Variants in POU2F1 observed in about 807,000 individuals in gnomAD.
POU2F1 encodes POU class 2 homeobox 1, also known as POU domain, class 2, transcription factor 1.
POU2F1 carries 16 observed loss-of-function variants against 84.9 expected under a neutral mutation model. The ratio of observed to expected loss-of-function variants is 0.19; its 90% CI spans 0.13 to 0.29. The LOEUF (loss-of-function observed/expected upper bound fraction) is 0.29. Ranked by LOEUF, POU2F1 falls within the 10% of genes least tolerant of loss-of-function variation. The pLI is 1.00. For synonymous variants in POU2F1, 368 were observed against 368.3 expected (o/e 1.00, Z 0.01); for missense variants, 738 against 942.6 (o/e 0.78, Z 2.84).
At chr1:167,338,946 G>A (rs182972348) in intron 2 of POU2F1, among the ~76,000 whole-genome samples, 5 of 152,262 alleles carry the variant, frequency 3.3e-5, no homozygotes, top group African/African-American at 1.2e-4. Flanking sequence ...TAGAATTGCT[G>A]GGTAAAACAG....
chr1:167,264,920 G>A lies in POU2F1; in HGVS notation c.61+43962G>A, dbSNP rs6660327. 2.2e-3 allele frequency among the ~76,000 whole-genome samples: 339 copies of A among 152,134 alleles called. 2 individuals carry two copies. The highest frequency in any genetic ancestry group is 7.8e-3 in the African/African-American group (325 of 41,464). On this transcript the variant is annotated intron_variant, in intron 1 of 15. Transcript: ENST00000367866. ...CCACCTCAGGGCCTTTACACTTGCT[G>A]TCTCGTTTGCCTAGGATGCTTTTCT...
chr1:167,368,797 T>G (rs1162706481), intron 3 of POU2F1, among the ~76,000 whole-genome samples: 1 of 152,206 alleles, frequency 6.6e-6, no homozygotes, highest in African/African-American at 2.4e-5. Context: ...TCAATTCATT[T>G]TAGCTCTTAA....
At chr1:167,283,494 T>G (rs1653309706) in intron 1 of POU2F1, among the ~76,000 whole-genome samples, 1 of 152,150 alleles carries the variant, frequency 6.6e-6, no homozygotes, top group Non-Finnish European at 1.5e-5. Flanking sequence ...GATGGTTGGG[T>G]AGATAGATAA....
Position 167,374,176 on chromosome 1 carries a change from T to A in POU2F1, c.471T>A (p.Ala157=). ...QQAQAQAQLL[A]AAVQQHSASQ... is the part of the protein sequence containing the mutation. ...CACAGGCACAGGCACAGCTGCTGGC[T>A]GCTGCAGTGCAGCAGCACTCCGCCA... Residue 157 remains alanine (A), a synonymous_variant, in exon 6 of 16, where the codon GCT becomes GCA. Coordinates refer to ENST00000367866, the MANE Select transcript of POU2F1 (RefSeq NM_002697.4). 6.2e-7 allele frequency: 1 copy of A among 1,613,938 alleles called. No homozygotes were observed. Among genetic ancestry groups the A allele is most frequent in the Non-Finnish European group, 8.5e-7 (1 of 1,179,914 alleles).
chr1:167,360,828 A>T (rs1457281286), intron 2 of POU2F1, among the ~76,000 whole-genome samples: 1 of 152,122 alleles, frequency 6.6e-6, no homozygotes. Flanking sequence ...ACCCTCGCTC[A>T]TGGAATTATT....
chr1:167,329,563 G>T (rs1656942483), intron 1 of POU2F1, among the ~76,000 whole-genome samples: 1 of 152,140 alleles, frequency 6.6e-6, no homozygotes, highest in Non-Finnish European at 1.5e-5. Flanking sequence ...CAGCTCGAAT[G>T]AATATTTTTG....
chr1:167,273,212 C>T (rs993190289), intron 1 of POU2F1, among the ~76,000 whole-genome samples: 2 of 152,214 alleles, frequency 1.3e-5, no homozygotes, highest in Non-Finnish European at 1.5e-5. Flanking sequence ...CCCTGTGGCT[C>T]TACAGGGTAC....
chr1:167,395,556 A>G (rs1571436094), intron 9 of POU2F1, among the ~76,000 whole-genome samples: 2 of 152,302 alleles, frequency 1.3e-5, no homozygotes, highest in East Asian at 3.9e-4. Flanking sequence ...AGAGTTATAC[A>G]TAATATCTGT....
intron 1 of POU2F1, chr1:167,241,568 A>G (rs1016919081): frequency 6.6e-6 from 1 of 152,198 alleles, no homozygotes; most frequent in Non-Finnish European, 1.5e-5. Context: ...CTTCACTTGT[A>G]TTAGCTTAAG....
At chr1:167,225,596 A>G (rs1648571170) in intron 1 of POU2F1, among the ~76,000 whole-genome samples, 1 of 152,246 alleles carries the variant, frequency 6.6e-6, no homozygotes, top group Non-Finnish European at 1.5e-5. Context: ...AGACCCTTGA[A>G]TATCTTAGGC....
At chr1:167,389,833 T>G in intron 9 of POU2F1, 72 bp downstream of exon 9, 1 of 1,505,816 alleles carries the variant, frequency 6.6e-7, no homozygotes, top group Admixed American at 1.9e-5. Flanking sequence ...TCTGTATTCA[T>G]GGATTCCACA....
rs777732073 is a variant in POU2F1, at chr1:167,422,904, G to A, written c.*7094G>A. The A allele has an allele frequency of 6.6e-6, 1 of 152,120 alleles. No homozygotes were observed. Among genetic ancestry groups the A allele is most frequent in the Admixed American group, 6.5e-5 (1 of 15,272 alleles). The allele number at this position is 152,120 out of a possible 1,614,324, so 9.4% of individuals were successfully genotyped here. ...CCTGCTTTTTGAAGGAAGTCTTCTT[G>A]GTTATCCTGGCTTTGGAAAAGAGAT... is the stretch of plus-strand genomic sequence containing the variant. On this transcript the variant is annotated 3_prime_UTR_variant, in exon 16 of 16. Coordinates refer to ENST00000367866, the MANE Select transcript of POU2F1 (RefSeq NM_002697.4).
intron 3 of POU2F1, among the ~76,000 whole-genome samples, chr1:167,365,920 G>A (rs1409985634): frequency 6.6e-6 from 1 of 152,198 alleles, no homozygotes; most frequent in Non-Finnish European, 1.5e-5. Context: ...GACCTGCTGT[G>A]TAAGGCTCTG....
At chr1:167,237,100 C>G (rs1256526005) in intron 1 of POU2F1, among the ~76,000 whole-genome samples, 1 of 152,094 alleles carries the variant, frequency 6.6e-6, no homozygotes, top group Admixed American at 6.5e-5. Context: ...AGGAAGGTAT[C>G]TAACTTCTGA....
chr1:167,237,746 G>GTGTGTGTATATATATATATA (rs1478366181), intron 1 of POU2F1, among the ~76,000 whole-genome samples: 21 of 72,964 alleles, frequency 2.9e-4, no homozygotes, highest in South Asian at 5.3e-4. Context: ...ATGTGTGTGT[G>GTGTGTGTATATATATATATA]TATATATATA....
At chr1:167,290,915 A>G (rs1285940326) in intron 1 of POU2F1, among the ~76,000 whole-genome samples, 3 of 152,002 alleles carry the variant, frequency 2.0e-5, no homozygotes, top group Non-Finnish European at 4.4e-5. Flanking sequence ...TGTGGTTGGC[A>G]TGTGCCTATA....
At chr1:167,325,652 G>C (rs1656648263) in intron 1 of POU2F1, among the ~76,000 whole-genome samples, 1 of 152,114 alleles carries the variant, frequency 6.6e-6, no homozygotes, top group South Asian at 2.1e-4. Flanking sequence ...AGCACTTTGG[G>C]AGGCCAAGGT....
At chr1:167,349,690 A>T (rs540740356) in intron 2 of POU2F1, among the ~76,000 whole-genome samples, 3 of 152,350 alleles carry the variant, frequency 2.0e-5, no homozygotes, top group Non-Finnish European at 4.4e-5. Flanking sequence ...AATTCTCAAT[A>T]AATATTTATT....
chr1:167,389,632 A>G lies in POU2F1; in HGVS notation c.858A>G (p.Thr286=), dbSNP rs749556746. The G allele has an allele frequency of 6.2e-7, 1 of 1,614,184 alleles. No homozygotes were observed. The highest frequency in any genetic ancestry group is 8.5e-7 in the Non-Finnish European group (1 of 1,180,030). Residue 286 remains threonine, a synonymous_variant, in exon 9 of 16, where the codon ACA becomes ACG. Transcript: ENST00000367866. ...CAATAGCAGCAACCCCAATTCAGAC[A>G]CTTCCACAGAGCCAGTCAACACCAA... ...TRTIAATPIQ[T]LPQSQSTPKR...
Sources: gnomAD v4.1 joint callset for allele counts (sites outside exome capture counted in the v4.1 genomes callset) on GRCh38, gnomAD v4.1.1 for gene constraint, MANE v1.5 for transcripts, NCBI Gene and HGNC (gene_info 2026-07-23, HGNC 2026-07-21) for gene names.